The following SHANK2 variants were observed in gnomAD, a reference collection of about 807,000 sequenced individuals.
SHANK2 encodes SH3 and multiple ankyrin repeat domains protein 2.
In SHANK2, 43 loss-of-function variants were observed where a neutral mutation model predicts 133.7. The ratio of observed to expected loss-of-function variants is 0.32; its 90% confidence interval spans 0.25 to 0.41. SHANK2 has a LOEUF of 0.41. SHANK2 is among the 10% of genes least tolerant of loss of function. The pLI is 1.00. For missense variants in SHANK2, 1,994 were observed against 2,235.8 expected, an observed-to-expected ratio of 0.89 and a Z score of 2.18; for synonymous variants, 1,017 against 952.8, an observed-to-expected ratio of 1.07 and a Z score of -1.24.
chr11:71,070,474 C>G (rs1951128505), intron 9 of SHANK2, among the ~76,000 whole-genome samples: 1 of 152,218 alleles, frequency 6.6e-6, no homozygotes, highest in Admixed American at 6.5e-5. Flanking sequence ...AGGGGGCACA[C>G]AGGCAGGAGT....
intron 10 of SHANK2, among the ~76,000 whole-genome samples, chr11:70,935,355 A>T (rs1037611659): frequency 3.9e-5 from 6 of 152,134 alleles, no homozygotes; most frequent in Non-Finnish European, 5.9e-5. Context: ...CACAGCCCAC[A>T]CAGGTAAGAG....
intron 10 of SHANK2, chr11:70,907,991 C>T (rs1469882243): frequency 1.6e-5 from 7 of 437,248 alleles, no homozygotes; most frequent in Non-Finnish European, 3.3e-5. Flanking sequence ...ATCCCAGCTA[C>T]TTGGGAGGCT....
intron 2 of SHANK2, among the ~76,000 whole-genome samples, chr11:71,181,688 A>G (rs1953560448): frequency 6.6e-6 from 1 of 152,072 alleles, no homozygotes; most frequent in Non-Finnish European, 1.5e-5. Context: ...CCTACATCCA[A>G]GGCAACCGTG....
intron 14 of SHANK2, among the ~76,000 whole-genome samples, chr11:70,738,571 G>A (rs1008130884): frequency 1.3e-5 from 2 of 152,204 alleles, no homozygotes; most frequent in Admixed American, 6.5e-5. Context: ...TGGTGTTCTG[G>A]TCTGTTTAGG....
At chr11:70,785,160 T>C (rs1249204237) in intron 14 of SHANK2, among the ~76,000 whole-genome samples, 2 of 152,110 alleles carry the variant, frequency 1.3e-5, no homozygotes, top group Non-Finnish European at 2.9e-5. Context: ...ACCCAGGCTA[T>C]GGGCCCAATG....
At chr11:71,145,512 T>C (rs1459056608) in intron 3 of SHANK2, among the ~76,000 whole-genome samples, 3 of 152,212 alleles carry the variant, frequency 2.0e-5, no homozygotes, top group Non-Finnish European at 4.4e-5. Flanking sequence ...AGTTAGCGTC[T>C]CTCTCAGAGG....
chr11:70,494,869 T>TG (rs2058946850), intron 21 of SHANK2, among the ~76,000 whole-genome samples: 1 of 152,176 alleles, frequency 6.6e-6, no homozygotes, highest in African/African-American at 2.4e-5. Context: ...GCCTGCAGGC[T>TG]CACTGGGCCC....
chr11:71,171,188 T>C (rs1953306599), intron 2 of SHANK2, among the ~76,000 whole-genome samples: 1 of 152,200 alleles, frequency 6.6e-6, no homozygotes, highest in African/African-American at 2.4e-5. Flanking sequence ...CCAGGAAATG[T>C]ATACAGACAC....
At chr11:71,056,749 A>C (rs1346609031) in intron 9 of SHANK2, among the ~76,000 whole-genome samples, 191 bp from the exon 10 acceptor site, 6 of 152,198 alleles carry the variant, frequency 3.9e-5, no homozygotes, top group Non-Finnish European at 7.3e-5. Context: ...ACTATGGCCA[A>C]ACAATTTCAC....
Position 70,469,963 on chromosome 11 carries a change from A to G in SHANK2, c.*2906T>C, listed in dbSNP as rs1286327665. On this transcript the variant is annotated 3_prime_UTR_variant, in exon 26 of 26. Coordinates refer to ENST00000601538, the MANE Select transcript of SHANK2 (RefSeq NM_012309.5). ...AATATTACAGAAACTAGGCATGTAA[A>G]TGCAGTTTATTTAAATTACAGTATG... 1 of 152,638 alleles carries G rather than the reference A, an allele frequency of 6.6e-6. No individual in the cohort carries two copies. Among genetic ancestry groups the G allele is most frequent in the Non-Finnish European group, 1.5e-5 (1 of 68,054 alleles). The allele number at this position is 152,638 out of a possible 1,614,324, so 9.5% of individuals were successfully genotyped here.
intron 25 of SHANK2, among the ~76,000 whole-genome samples, chr11:70,476,812 C>A (rs1208124482): frequency 6.6e-6 from 1 of 152,220 alleles, no homozygotes; most frequent in Non-Finnish European, 1.5e-5. Flanking sequence ...GGCAGCTCCA[C>A]CGTGGCAGCA....
chr11:71,057,281 C>T (rs1950932296), intron 9 of SHANK2, among the ~76,000 whole-genome samples: 1 of 152,042 alleles, frequency 6.6e-6, no homozygotes, highest in African/African-American at 2.4e-5. Context: ...TTGCAGTGAG[C>T]CGAGATCGCA....
chr11:70,795,983 T>A (rs1947901699), intron 14 of SHANK2, among the ~76,000 whole-genome samples: 1 of 151,952 alleles, frequency 6.6e-6, no homozygotes, highest in Non-Finnish European at 1.5e-5. Context: ...GTCCTGGGAG[T>A]GTGAGCTGGA....
At chr11:70,813,838 C>T (rs560918060) in intron 12 of SHANK2, among the ~76,000 whole-genome samples, 4 of 152,190 alleles carry the variant, frequency 2.6e-5, no homozygotes, top group East Asian at 1.9e-4. Flanking sequence ...AAGCCCTGTG[C>T]GTCTCGGGCC....
chr11:70,474,662 C>G (rs1555149757), intron 25 of SHANK2: 1 of 152,380 alleles, frequency 6.6e-6, no homozygotes, highest in Non-Finnish European at 1.5e-5. Context: ...AGGAAAGCCA[C>G]AGCCACTGGG....
chr11:71,090,237 C>G (rs1951484526), intron 8 of SHANK2, among the ~76,000 whole-genome samples: 1 of 110,020 alleles, frequency 9.1e-6, no homozygotes, highest in East Asian at 2.8e-4. Flanking sequence ...GTGTATCAGC[C>G]AGGGTTCTCC....
rs1463403358 is a variant in SHANK2 at position 70,597,263 on chromosome 11, C to T, written c.2061+62565G>A. Among the ~76,000 whole-genome samples the T allele has an allele frequency of 1.3e-5, 2 of 152,110 alleles. 1 individual carries two copies. The highest frequency in any genetic ancestry group is 4.8e-5 in the African/African-American group (2 of 41,412). On this transcript the variant is annotated intron_variant, in intron 17 of 25. Transcript: ENST00000601538. The stretch of plus-strand genomic sequence containing the variant: ...CCCTCATTCTCTCTCCACCCACTGC[C>T]CCCCGCCTTTGAGCTACTCCCTTCC...
In SHANK2 at chr11:70,500,302, G is replaced by T. The variant is rs1159198803; in HGVS notation, c.2308+268C>A. ...GCAGCCCCAGCTGAGACCAAACAGG[G>T]GTCCGGCCAGCTTCACGGTCATGAC... On this transcript the variant is annotated intron_variant, in intron 21 of 25. Coordinates refer to ENST00000601538, the MANE Select transcript of SHANK2 (RefSeq NM_012309.5). This position sits in a 1 kb window ranked among gnomAD's most constrained non-coding sequence, Gnocchi z 4.5. Among the ~76,000 whole-genome samples the T allele has an allele frequency of 6.6e-6, 1 of 152,082 alleles. No individual in the cohort carries two copies. Among genetic ancestry groups the T allele is most frequent in the Non-Finnish European group, 1.5e-5 (1 of 68,028 alleles).
At chr11:70,832,509 C>T (rs1377617393) in intron 11 of SHANK2, among the ~76,000 whole-genome samples, 1 of 152,192 alleles carries the variant, frequency 6.6e-6, no homozygotes, top group Non-Finnish European at 1.5e-5. Flanking sequence ...CCGTGTCCAG[C>T]CCTCCTCCCT....
Sources: gnomAD v4.1 joint callset for allele counts (sites outside exome capture counted in the v4.1 genomes callset) on GRCh38, gnomAD v4.1.1 for gene constraint, Gnocchi (gnomAD v3.1) non-coding constraint, MANE v1.5 for transcripts, NCBI Gene and HGNC (gene_info 2026-07-23, HGNC 2026-07-21) for gene names.